KCNQ3: variants seen among roughly 807,000 people sequenced by gnomAD.
The protein encoded by KCNQ3 is potassium voltage-gated channel subfamily KQT member 3.
Under a neutral mutation model 92.5 loss-of-function variants are expected in KCNQ3, and 30 were observed. The ratio of observed to expected loss-of-function variants is 0.32; its 90% CI spans 0.24 to 0.44. The LOEUF (loss-of-function observed/expected upper bound fraction) is 0.44. Among genes scored for constraint, KCNQ3 ranks in the 20% least tolerant of loss-of-function variants. The probability of loss-of-function intolerance (pLI) is 1.00; values close to 1 mark genes in which losing one functional copy is unlikely to be tolerated. For synonymous variants in KCNQ3, 450 were observed against 468.8 expected, an observed-to-expected ratio of 0.96 and a Z score of 0.52; for missense variants, 913 against 1,140.3, an observed-to-expected ratio of 0.80 and a Z score of 2.87.
chr8:132,133,039 C>T (rs1824935680), intron 13 of KCNQ3, among the ~76,000 whole-genome samples: 1 of 152,118 alleles, frequency 6.6e-6, no homozygotes, highest in African/African-American at 2.4e-5. Context: ...ACTGGTGGTC[C>T]ATGTGCTAAA....
intron 1 of KCNQ3, among the ~76,000 whole-genome samples, chr8:132,411,480 T>G (rs2130797794): frequency 6.6e-6 from 1 of 152,154 alleles, no homozygotes; most frequent in Admixed American, 6.5e-5. Flanking sequence ...TGTGGCAGCT[T>G]AAGAAGCAGC....
At chr8:132,266,653 G>A (rs962664251) in intron 1 of KCNQ3, among the ~76,000 whole-genome samples, 4 of 152,110 alleles carry the variant, frequency 2.6e-5, no homozygotes, top group Non-Finnish European at 4.4e-5. Flanking sequence ...CCCAGAGGCC[G>A]AGAGTAGGGT....
intron 1 of KCNQ3, among the ~76,000 whole-genome samples, chr8:132,412,269 C>T (rs994551548): frequency 1.3e-4 from 20 of 152,202 alleles, no homozygotes; most frequent in African/African-American, 4.8e-4. Context: ...GTAGCTCCCC[C>T]CACCCGCCGG....
Position 132,373,625 on chromosome 8 carries a change from T to C in KCNQ3, c.386+106522A>G, listed in dbSNP as rs552493284. ...CTAGCTAACCAGCGTAAGAACAAAG[T>C]GAAAGTCCAGAGCCCCCAAGACCCA... is the stretch of plus-strand genomic sequence containing the variant. On this transcript the variant is annotated intron_variant, in intron 1 of 14. Coordinates refer to ENST00000388996, the MANE Select transcript of KCNQ3 (RefSeq NM_004519.4). 5.3e-4 allele frequency among the ~76,000 whole-genome samples: 80 copies of C among 152,198 alleles called. No homozygotes were observed. In the South Asian group the frequency reaches 6.8e-3, roughly 13 times the overall value.
chr8:132,260,748 A>G (rs1224268701), intron 1 of KCNQ3, among the ~76,000 whole-genome samples: 1 of 152,008 alleles, frequency 6.6e-6, no homozygotes, highest in African/African-American at 2.4e-5. Context: ...GCTTTGATCC[A>G]TCCAACACTC....
chr8:132,278,114 C>T, intron 1 of KCNQ3: 1 of 985,378 alleles, frequency 1.0e-6, no homozygotes, highest in Non-Finnish European at 1.2e-6. Flanking sequence ...CACAGTACCA[C>T]ATTGCCTCTA....
At chr8:132,448,502 G>GAAAAAAAAAAAAAAAAAAAAAAGGAAAA in intron 1 of KCNQ3, among the ~76,000 whole-genome samples, 4 of 93,882 alleles carry the variant, frequency 4.3e-5, no homozygotes, top group Non-Finnish European at 6.2e-5. Context: ...GGAGAAATAT[G>GAAAAAAAAAAAAAAAAAAAAAAGGAAAA]AAAAAAAAAA....
At chr8:132,342,336 G>T (rs1818556392) in intron 1 of KCNQ3, among the ~76,000 whole-genome samples, 1 of 150,472 alleles carries the variant, frequency 6.6e-6, no homozygotes, top group Admixed American at 6.6e-5. Flanking sequence ...TTTTTTTAAG[G>T]CGCGTCATCC....
intron 1 of KCNQ3, among the ~76,000 whole-genome samples, chr8:132,436,257 T>C (rs976567411): frequency 1.3e-5 from 2 of 152,220 alleles, no homozygotes; most frequent in Non-Finnish European, 2.9e-5. Context: ...ATTTTCACAT[T>C]ACCACATTGA....
intron 1 of KCNQ3, among the ~76,000 whole-genome samples, chr8:132,368,784 G>C (rs1246367770): frequency 6.6e-6 from 1 of 152,198 alleles, no homozygotes; most frequent in Non-Finnish European, 1.5e-5. Flanking sequence ...TGAGAAGATA[G>C]TACAGGGAGC....
chr8:132,123,330 T>C lies in KCNQ3; in HGVS notation c.*5932A>G, dbSNP rs2436130. ...GAGGTGGAGGGGAGGAGTGCCTGCA[T>C]GGCCATGGGATTGTTCTTCATTCCC... is the stretch of plus-strand genomic sequence containing the variant. On this transcript the variant is annotated 3_prime_UTR_variant, in exon 15 of 15. Transcript: ENST00000388996. 1 of 152,408 alleles carries C rather than the reference T, an allele frequency of 6.6e-6. No individual in the cohort carries two copies. The highest frequency in any genetic ancestry group is 2.4e-5 in the African/African-American group (1 of 41,526). The allele number at this position is 152,408 out of a possible 1,614,324, so 9.4% of individuals were successfully genotyped here. A position where few individuals can be genotyped will look rare whatever the true frequency, so the allele number is the denominator to read the frequency against.
intron 1 of KCNQ3, among the ~76,000 whole-genome samples, chr8:132,219,394 C>T (rs964794542): frequency 6.6e-6 from 1 of 152,046 alleles, no homozygotes; most frequent in African/African-American, 2.4e-5. Context: ...CAGTTCTTCC[C>T]GCTTTGATGA....
At chr8:132,356,549 T>C (rs1416304773) in intron 1 of KCNQ3, among the ~76,000 whole-genome samples, 1 of 152,012 alleles carries the variant, frequency 6.6e-6, no homozygotes, top group Non-Finnish European at 1.5e-5. Flanking sequence ...TAACACACAC[T>C]CTAGTCTTGG....
intron 1 of KCNQ3, among the ~76,000 whole-genome samples, chr8:132,471,103 G>A (rs916855201): frequency 1.3e-5 from 2 of 152,102 alleles, no homozygotes; most frequent in African/African-American, 2.4e-5. Flanking sequence ...GGTTTGAGAG[G>A]CCCGGCTACT....
intron 1 of KCNQ3, among the ~76,000 whole-genome samples, chr8:132,210,013 C>T (rs1017598100): frequency 2.0e-5 from 3 of 152,104 alleles, no homozygotes; most frequent in Admixed American, 6.5e-5. Context: ...GATATTCTTC[C>T]AGGATGTAAT....
chr8:132,479,417 T>C (rs1298383963), intron 1 of KCNQ3, among the ~76,000 whole-genome samples: 1 of 151,986 alleles, frequency 6.6e-6, no homozygotes, highest in African/African-American at 2.4e-5. Flanking sequence ...ATCAAGGAGA[T>C]GTTTCAGCCA....
chr8:132,159,033 C>CAACA (rs1162851931), intron 9 of KCNQ3, among the ~76,000 whole-genome samples: 1 of 152,138 alleles, frequency 6.6e-6, no homozygotes, highest in East Asian at 1.9e-4. Context: ...CAACTGCTGT[C>CAACA]AACACAGTTA....
At chr8:132,351,803 G>A (rs1336181434) in intron 1 of KCNQ3, among the ~76,000 whole-genome samples, 1 of 152,206 alleles carries the variant, frequency 6.6e-6, no homozygotes, top group East Asian at 1.9e-4. Flanking sequence ...GAGAGGCACT[G>A]GCTATAGGGA....
intron 1 of KCNQ3, among the ~76,000 whole-genome samples, chr8:132,445,464 C>T (rs907520529): frequency 2.0e-5 from 3 of 151,480 alleles, no homozygotes; most frequent in Non-Finnish European, 4.4e-5. Flanking sequence ...CTGCCCCATC[C>T]CCAACATAAA....
Sources: gnomAD v4.1 joint callset for allele counts (sites outside exome capture counted in the v4.1 genomes callset) on GRCh38, gnomAD v4.1.1 for gene constraint, MANE v1.5 for transcripts, NCBI Gene and HGNC (gene_info 2026-07-23, HGNC 2026-07-21) for gene names.